Variants in FCHSD2 observed in about 807,000 individuals in gnomAD.
FCHSD2 encodes the protein F-BAR and double SH3 domains protein 2.
Under a neutral mutation model 108.1 loss-of-function variants are expected in FCHSD2, and 38 were observed. The ratio of observed to expected loss-of-function variants is 0.35; its 90% CI spans 0.27 to 0.46. FCHSD2 has a LOEUF of 0.46. Among genes scored for constraint, FCHSD2 ranks in the 20% least tolerant of loss-of-function variants. FCHSD2 has a pLI of 1.00. For synonymous variants in FCHSD2, 279 were observed against 314.7 expected (o/e 0.89, Z 1.20); for missense variants, 751 against 897.8 (o/e 0.84, Z 2.09).
chr11:72,894,547 C>T (rs2135259449), intron 10 of FCHSD2, among the ~76,000 whole-genome samples: 1 of 152,072 alleles, frequency 6.6e-6, no homozygotes, highest in African/African-American at 2.4e-5. Context: ...AATATTGGAT[C>T]CATCTTATTC....
Position 72,934,048 on chromosome 11 carries a change from G to A in FCHSD2, c.706-12098C>T, listed in dbSNP as rs571650252. Reference sequence around the variant, plus strand: ...TGCCTGAGCCTGGGAGGTTGAGGCTGCAGTGAGCCATGATCGCGCCACTAC... The same window carrying A: ...TGCCTGAGCCTGGGAGGTTGAGGCTACAGTGAGCCATGATCGCGCCACTAC... On this transcript the variant is annotated intron_variant, in intron 8 of 19. Transcript: ENST00000409418. 1.5e-4 allele frequency among the ~76,000 whole-genome samples: 20 copies of A among 137,594 alleles called. 1 individual carries two copies. In the South Asian group the frequency reaches 2.0e-3, roughly 14 times the overall value. 90.3% of individuals were successfully genotyped at this position (137,594 alleles called of 152,430 possible). A position where few individuals can be genotyped will look rare whatever the true frequency, so the allele number is the denominator to read the frequency against.
At chr11:73,002,780 G>A (rs766478918) in intron 4 of FCHSD2, among the ~76,000 whole-genome samples, 31 of 151,776 alleles carry the variant, frequency 2.0e-4, no homozygotes, top group Non-Finnish European at 4.1e-4. Flanking sequence ...GTCTTTCACC[G>A]TCACCACCAA....
chr11:73,072,992 C>T (rs577404829), intron 3 of FCHSD2, among the ~76,000 whole-genome samples: 4 of 152,272 alleles, frequency 2.6e-5, no homozygotes, highest in South Asian at 4.1e-4. Context: ...AGCAAGGAGC[C>T]GCCCTTAAAG....
chr11:72,975,570 T>C (rs1391545293), intron 8 of FCHSD2, among the ~76,000 whole-genome samples: 1 of 152,152 alleles, frequency 6.6e-6, no homozygotes, highest in Admixed American at 6.5e-5. Flanking sequence ...GATATCTCAA[T>C]TACCCCCATT....
At chr11:72,876,918 CTTTT>C (rs1457973460) in intron 12 of FCHSD2, among the ~76,000 whole-genome samples, 1 of 151,634 alleles carries the variant, frequency 6.6e-6, no homozygotes, top group African/African-American at 2.4e-5. Context: ...ATGCATTATC[CTTTT>C]TAATATTCCT....
chr11:73,026,478 T>C (rs60877622), intron 3 of FCHSD2, among the ~76,000 whole-genome samples: 3,305 of 152,204 alleles, frequency 0.022, 76 homozygotes, highest in African/African-American at 0.059. Context: ...CTTAAATATA[T>C]GCAATAAAAT....
intron 5 of FCHSD2, among the ~76,000 whole-genome samples, chr11:72,997,210 C>T (rs60219481): frequency 0.049 from 7,479 of 152,092 alleles, 502 homozygotes; most frequent in African/African-American, 0.15. Context: ...AGCAGCTACA[C>T]GATGTTGAGA....
At chr11:73,113,605 T>C (rs985739530) in intron 2 of FCHSD2, among the ~76,000 whole-genome samples, 6 of 152,128 alleles carry the variant, frequency 3.9e-5, no homozygotes, top group African/African-American at 9.7e-5. Context: ...TTGTGGATAT[T>C]TGTCGGTGTC....
intron 3 of FCHSD2, among the ~76,000 whole-genome samples, chr11:73,037,407 C>T (rs1002315290): frequency 1.2e-4 from 18 of 152,286 alleles, no homozygotes; most frequent in African/African-American, 4.3e-4. Context: ...TTTCACTGCC[C>T]TAAAAATCCC....
intron 2 of FCHSD2, among the ~76,000 whole-genome samples, chr11:73,116,830 C>T (rs1591567375): frequency 6.6e-6 from 1 of 152,182 alleles, no homozygotes; most frequent in Non-Finnish European, 1.5e-5. Flanking sequence ...AGCCACAGCG[C>T]CTGGCCCATA....
chr11:72,920,658 T>C (rs1855960398), intron 9 of FCHSD2, among the ~76,000 whole-genome samples: 1 of 152,242 alleles, frequency 6.6e-6, no homozygotes, highest in Non-Finnish European at 1.5e-5. Context: ...GATTTTTTCA[T>C]AGACTTTTCC....
chr11:73,096,103 C>G (rs1860067329), intron 2 of FCHSD2, among the ~76,000 whole-genome samples: 1 of 151,830 alleles, frequency 6.6e-6, no homozygotes, highest in South Asian at 2.1e-4. Flanking sequence ...GGTATCTAAA[C>G]AGACGTAAAA....
At chr11:72,967,858 G>A (rs1379491178) in intron 8 of FCHSD2, among the ~76,000 whole-genome samples, 2 of 151,696 alleles carry the variant, frequency 1.3e-5, no homozygotes, top group African/African-American at 4.8e-5. Flanking sequence ...TTGGGAGGCC[G>A]AGGCGGGCGG....
At chr11:72,955,929 C>T (rs1856703134) in intron 8 of FCHSD2, among the ~76,000 whole-genome samples, 1 of 152,134 alleles carries the variant, frequency 6.6e-6, no homozygotes, top group Non-Finnish European at 1.5e-5. Context: ...AAAGTAATAG[C>T]ACACAGAAGC....
intron 1 of FCHSD2, 27 bp from the exon 2 acceptor site, chr11:73,140,155 G>T: frequency 7.3e-7 from 1 of 1,372,282 alleles, no homozygotes; most frequent in Non-Finnish European, 9.9e-7. Context: ...ATTTATGAAG[G>T]TCTTTTTACA....
chr11:72,911,483 T>C (rs1397035382), intron 9 of FCHSD2, among the ~76,000 whole-genome samples: 1 of 152,216 alleles, frequency 6.6e-6, no homozygotes, highest in Non-Finnish European at 1.5e-5. Flanking sequence ...TTTGTGGTTC[T>C]GTCAAAATTT....
intron 4 of FCHSD2, among the ~76,000 whole-genome samples, chr11:73,013,925 A>C (rs1008865533): frequency 6.6e-6 from 1 of 152,000 alleles, no homozygotes; most frequent in Non-Finnish European, 1.5e-5. Context: ...ACTATCTATA[A>C]GTTGGATCCT....
intron 3 of FCHSD2, among the ~76,000 whole-genome samples, chr11:73,051,997 A>C (rs529696717): frequency 6.6e-6 from 1 of 152,182 alleles, no homozygotes; most frequent in East Asian, 1.9e-4. Context: ...ATAAAGAACC[A>C]ATTTCCAATG....
At position 72,887,462 on chromosome 11, in the gene FCHSD2, C is replaced by T. The variant is rs1412126528; in HGVS notation, c.1146+8G>A. The T allele has an allele frequency of 6.3e-7, 1 of 1,585,306 alleles. No individual in the cohort carries two copies. The highest frequency in any genetic ancestry group is 2.3e-5 in the East Asian group (1 of 44,046). ...TGGGCAAAATGCCACAATTAGCTGC[C>T]ACCTTACCTCTGCTTTACGAATATT... is the stretch of plus-strand genomic sequence containing the variant. On this transcript the variant is annotated splice_region_variant and intron_variant, in intron 12 of 19. Coordinates refer to ENST00000409418, the MANE Select transcript of FCHSD2 (RefSeq NM_014824.3).
Sources: allele counts gnomAD v4.1 joint callset (sites outside exome capture counted in the v4.1 genomes callset), GRCh38; gene constraint gnomAD v4.1.1; transcripts MANE v1.5; gene names NCBI Gene and HGNC (gene_info 2026-07-23, HGNC 2026-07-21).